CCDC69: variants seen among roughly 807,000 people sequenced by gnomAD.
The protein encoded by CCDC69 is coiled-coil domain containing 69.
A neutral mutation model predicts 40.3 loss-of-function variants in CCDC69; 38 were observed. The ratio of observed to expected loss-of-function variants is 0.94; its 90% confidence interval spans 0.73 to 1.24. The LOEUF (loss-of-function observed/expected upper bound fraction) is 1.24. Ranked by LOEUF, CCDC69 falls within the 50% of genes most tolerant of loss-of-function variation. The pLI, the probability that CCDC69 is intolerant of heterozygous loss-of-function variation, is 0.00. For missense variants in CCDC69, 389 were observed against 357.9 expected (o/e 1.09, Z -0.70); for synonymous variants, 141 against 138.9 (o/e 1.02, Z -0.11).
intron 1 of CCDC69, among the ~76,000 whole-genome samples, chr5:151,207,417 G>C (rs1309711077): frequency 6.6e-6 from 1 of 151,780 alleles, no homozygotes. Flanking sequence ...TCAGCCTCTC[G>C]AGTAGCTGGG....
At chr5:151,194,670 G>A (rs1372973536) in intron 4 of CCDC69, among the ~76,000 whole-genome samples, 1 of 152,116 alleles carries the variant, frequency 6.6e-6, no homozygotes, top group Non-Finnish European at 1.5e-5. Flanking sequence ...CAAGGCGGGT[G>A]GATCACGAGG....
chr5:151,219,741 T>A (rs153468), intron 1 of CCDC69, among the ~76,000 whole-genome samples: 53,394 of 151,920 alleles, frequency 0.35, 9,582 homozygotes, highest in East Asian at 0.56. Context: ...AAAGATTTTT[T>A]AATTTCTTAT....
chr5:151,218,906 A>C (rs984413000), intron 1 of CCDC69, among the ~76,000 whole-genome samples: 4 of 152,246 alleles, frequency 2.6e-5, no homozygotes, highest in Admixed American at 6.5e-5. Context: ...CAGAAAATAT[A>C]TCACCAAAGG....
At chr5:151,191,064 T>C (rs1385700248) in intron 4 of CCDC69, among the ~76,000 whole-genome samples, 1 of 150,992 alleles carries the variant, frequency 6.6e-6, no homozygotes, top group Non-Finnish European at 1.5e-5. Flanking sequence ...CAAACCTGCA[T>C]GTGTGTCCTG....
chr5:151,190,810 CA>C (rs146441064), intron 4 of CCDC69, among the ~76,000 whole-genome samples: 13,015 of 145,794 alleles, frequency 0.089, 645 homozygotes, highest in South Asian at 0.13. Flanking sequence ...TTCAAATACT[CA>C]AAAAAAAAGC....
At chr5:151,184,277 C>G (rs1244648734) in intron 8 of CCDC69, 67 bp downstream of exon 8, 12 of 1,206,360 alleles carry the variant, frequency 9.9e-6, no homozygotes, top group Non-Finnish European at 1.5e-5. Flanking sequence ...CCCTCTAAGA[C>G]TCTCCCAGCT....
chr5:151,193,488 C>G (rs186762496), intron 4 of CCDC69, among the ~76,000 whole-genome samples: 56 of 151,606 alleles, frequency 3.7e-4, no homozygotes, highest in East Asian at 3.1e-3. Flanking sequence ...TGCACTCCAG[C>G]CTGGGCATCA....
intron 5 of CCDC69, among the ~76,000 whole-genome samples, chr5:151,186,425 G>A (rs1752520883): frequency 6.9e-6 from 1 of 144,492 alleles, no homozygotes; most frequent in African/African-American, 2.5e-5. Flanking sequence ...AAGGGAGGGG[G>A]ACAGAGAAGG....
intron 1 of CCDC69, among the ~76,000 whole-genome samples, chr5:151,219,928 C>G (rs954475627): frequency 6.6e-6 from 1 of 151,974 alleles, no homozygotes; most frequent in African/African-American, 2.4e-5. Context: ...CCTTTGAGGC[C>G]TTTTTTTGGC....
intron 2 of CCDC69, among the ~76,000 whole-genome samples, chr5:151,202,536 C>T (rs1752790360): frequency 6.6e-6 from 1 of 152,166 alleles, no homozygotes; most frequent in African/African-American, 2.4e-5. Context: ...TTTGGCCGGC[C>T]AGGATAGGGC....
chr5:151,209,654 A>G (rs1300189219), intron 1 of CCDC69, among the ~76,000 whole-genome samples: 3 of 151,660 alleles, frequency 2.0e-5, no homozygotes, highest in African/African-American at 7.3e-5. Context: ...ATCAGGGCTC[A>G]CTGCAACCTC....
chr5:151,195,120 C>A (rs1325421682), intron 4 of CCDC69, among the ~76,000 whole-genome samples: 1 of 152,136 alleles, frequency 6.6e-6, no homozygotes, highest in African/African-American at 2.4e-5. Context: ...TTCATTCATT[C>A]ATTATAGACT....
At chr5:151,205,945 C>T (rs186508710) in intron 1 of CCDC69, among the ~76,000 whole-genome samples, 2 of 152,320 alleles carry the variant, frequency 1.3e-5, no homozygotes, top group East Asian at 3.9e-4. Context: ...TAATCATCCA[C>T]ACAGAAGAAG....
In CCDC69 at chr5:151,200,017, C is replaced by T. The variant is rs150530972; in HGVS notation, c.232-933G>A. Among the ~76,000 whole-genome samples the T allele has an allele frequency of 3.4e-3, 525 of 152,264 alleles. 3 individuals are homozygous for T. Among genetic ancestry groups the T allele is most frequent in the Middle Eastern group, 0.031 (9 of 294 alleles). On this transcript the variant is annotated intron_variant, in intron 3 of 8. Coordinates refer to ENST00000355417, the MANE Select transcript of CCDC69 (RefSeq NM_015621.3). Reference sequence around the variant, plus strand: ...CCTGTACCCCTGGCAGTGCTGAGGCCGCACCCTCCCCGCACATAGTAATCT... The same window carrying T: ...CCTGTACCCCTGGCAGTGCTGAGGCTGCACCCTCCCCGCACATAGTAATCT...
intron 4 of CCDC69, among the ~76,000 whole-genome samples, chr5:151,189,591 T>C (rs760344259): frequency 1.5e-4 from 22 of 148,556 alleles, no homozygotes; most frequent in African/African-American, 5.2e-4. Flanking sequence ...GAAGAAAGAA[T>C]GATTGAATAT....
intron 1 of CCDC69, among the ~76,000 whole-genome samples, chr5:151,212,442 C>T (rs970883056): frequency 3.9e-5 from 6 of 152,110 alleles, no homozygotes; most frequent in Non-Finnish European, 7.4e-5. Flanking sequence ...CAGACCAGAG[C>T]CCTGCAGTAG....
At chr5:151,187,883 A>G (rs1752547591) in intron 4 of CCDC69, among the ~76,000 whole-genome samples, 1 of 152,196 alleles carries the variant, frequency 6.6e-6, no homozygotes, top group Non-Finnish European at 1.5e-5. Context: ...AAACTGCAGT[A>G]AGTACATTGG....
rs138892680 is a variant in CCDC69 at position 151,191,809 on chromosome 5, G to T, written c.320-4350C>A. Among the ~76,000 whole-genome samples, 540 of 152,210 alleles carry T rather than the reference G, an allele frequency of 3.5e-3. 3 individuals are homozygous for T. The highest frequency in any genetic ancestry group is 0.012 in the African/African-American group (500 of 41,534). On this transcript the variant is annotated intron_variant, in intron 4 of 8. Coordinates refer to ENST00000355417, the MANE Select transcript of CCDC69 (RefSeq NM_015621.3). ...TGAAGAAATCAGGAAAAGGTATCAG[G>T]CCCAGTGACTCACACCTGTAATCCC...
chr5:151,218,786 A>G (rs1017718619), intron 1 of CCDC69, among the ~76,000 whole-genome samples: 2 of 152,246 alleles, frequency 1.3e-5, no homozygotes, highest in Non-Finnish European at 2.9e-5. Context: ...AGCCAACTGA[A>G]GCAAAAATGG....
Sources: allele counts gnomAD v4.1 joint callset (sites outside exome capture counted in the v4.1 genomes callset), GRCh38; gene constraint gnomAD v4.1.1; transcripts MANE v1.5; gene names NCBI Gene and HGNC (gene_info 2026-07-23, HGNC 2026-07-21).